Variants in NBEA observed in about 807,000 individuals in gnomAD.
NBEA encodes the protein neurobeachin, also known as lysosomal-trafficking regulator 2.
Under a neutral mutation model 343.4 loss-of-function variants are expected in NBEA, and 44 were observed. That is an observed-to-expected ratio of 0.13 (90% CI 0.10 to 0.16). The LOEUF is 0.16. Among genes scored for constraint, NBEA ranks in the 10% least tolerant of loss-of-function variants. NBEA has a pLI of 1.00. For missense variants in NBEA, 2,555 were observed against 3,631.3 expected, an observed-to-expected ratio of 0.70 and a Z score of 7.62; for synonymous variants, 1,175 against 1,238.7, an observed-to-expected ratio of 0.95 and a Z score of 1.08.
At position 35,070,802 on chromosome 13, in the gene NBEA, C is replaced by A; in HGVS notation, c.1521C>A (p.Ala507=). The A allele has an allele frequency of 6.2e-7, 1 of 1,609,916 alleles. No individual in the cohort carries two copies. The highest frequency in any genetic ancestry group is 1.7e-5 in the Admixed American group (1 of 59,850). The change falls in exon 10 of 59, where the codon GCC becomes GCA. Residue 507 remains alanine, a synonymous_variant. Transcript: ENST00000379939. ...GGIQVLFPLF[A]QLDNRQLNDS... ...TTCAAGTGCTTTTTCCACTTTTTGC[C>A]CAATTGGATAATAGGCAGCTCAATG...
At chr13:35,511,192 A>G (rs536820584) in intron 41 of NBEA, among the ~76,000 whole-genome samples, 1 of 152,290 alleles carries the variant, frequency 6.6e-6, no homozygotes, top group East Asian at 1.9e-4. Flanking sequence ...TAGTTTTGAG[A>G]TATATTTATT....
At chr13:35,499,471 T>A (rs1051574895) in intron 41 of NBEA, among the ~76,000 whole-genome samples, 5 of 152,076 alleles carry the variant, frequency 3.3e-5, no homozygotes, top group Non-Finnish European at 5.9e-5. Context: ...TCAGCTGCTC[T>A]GTTCTCATGT....
rs115625477 is a variant in NBEA at position 35,573,194 on chromosome 13, G to C, written c.7035+6177G>C. 7.5e-3 allele frequency among the ~76,000 whole-genome samples: 1,138 copies of C among 152,120 alleles called. 16 individuals are homozygous for C. Among genetic ancestry groups the C allele is most frequent in the African/African-American group, 0.026 (1,083 of 41,496 alleles). ...GACAAGGTATTGACTGGCAGTGTTT[G>C]GATACTGTTTTAAACTCATGAGATA... is the stretch of plus-strand genomic sequence containing the variant. On this transcript the variant is annotated intron_variant, in intron 45 of 58. Coordinates refer to ENST00000379939, the MANE Select transcript of NBEA (RefSeq NM_001385012.1).
chr13:35,451,615 A>G (rs1435351994), intron 39 of NBEA, among the ~76,000 whole-genome samples: 1 of 152,206 alleles, frequency 6.6e-6, no homozygotes, highest in African/African-American at 2.4e-5. Context: ...TTTGCTGCAT[A>G]CTTATCCACT....
chr13:35,395,445 C>T (rs1246439167), intron 38 of NBEA, among the ~76,000 whole-genome samples: 1 of 152,004 alleles, frequency 6.6e-6, no homozygotes, highest in African/African-American at 2.4e-5. Context: ...TTTTAAGTTT[C>T]CTGAGGCCTC....
intron 40 of NBEA, among the ~76,000 whole-genome samples, chr13:35,457,370 G>A (rs568423031): frequency 8.5e-5 from 13 of 152,134 alleles, no homozygotes; most frequent in South Asian, 6.2e-4. Flanking sequence ...AACTGTTACC[G>A]AAATCAATTT....
chr13:35,066,128 T>C (rs1191983878), intron 8 of NBEA, among the ~76,000 whole-genome samples: 1 of 152,058 alleles, frequency 6.6e-6, no homozygotes, highest in African/African-American at 2.4e-5. Flanking sequence ...GCCTGACTAA[T>C]TTTTCAGTTT....
chr13:35,215,536 G>A (rs1024938797), intron 33 of NBEA, among the ~76,000 whole-genome samples: 8 of 151,560 alleles, frequency 5.3e-5, no homozygotes, highest in Non-Finnish European at 1.0e-4. Flanking sequence ...TAGCAAATCA[G>A]TGATTGCCTG....
chr13:35,528,354 T>C (rs1388384268), intron 41 of NBEA, among the ~76,000 whole-genome samples: 3 of 152,242 alleles, frequency 2.0e-5, no homozygotes, highest in Non-Finnish European at 4.4e-5. Context: ...GCATTTACAC[T>C]GTAAGAAAGA....
Position 35,299,862 on chromosome 13 carries a change from G to A in NBEA, c.5838+9412G>A, listed in dbSNP as rs561185674. Among the ~76,000 whole-genome samples the A allele has an allele frequency of 3.9e-5, 6 of 152,256 alleles. No individual in the cohort carries two copies. The East Asian group carries it at 1.2e-3, about 29-fold the overall frequency. The stretch of plus-strand genomic sequence containing the variant: ...GTAAATTATTCTTATCCCTTTGCAT[G>A]TGTTTTCATGTATCTGTGTGCCTTG... On this transcript the variant is annotated intron_variant, in intron 35 of 58. Coordinates refer to ENST00000379939, the MANE Select transcript of NBEA (RefSeq NM_001385012.1).
intron 34 of NBEA, among the ~76,000 whole-genome samples, chr13:35,252,686 G>T (rs910455122): frequency 2.6e-5 from 4 of 152,152 alleles, no homozygotes; most frequent in African/African-American, 9.7e-5. Flanking sequence ...CTGCACAGAT[G>T]CAGCTGAAGA....
intron 1 of NBEA, among the ~76,000 whole-genome samples, chr13:34,958,154 T>G (rs557814677): frequency 3.9e-5 from 6 of 152,126 alleles, no homozygotes; most frequent in Non-Finnish European, 8.8e-5. Context: ...CTGTTTATAT[T>G]TCTTTTAATG....
chr13:35,430,157 G>A (rs1320185787), intron 38 of NBEA, among the ~76,000 whole-genome samples: 1 of 151,814 alleles, frequency 6.6e-6, no homozygotes, highest in Non-Finnish European at 1.5e-5. Flanking sequence ...GTTCATTCTT[G>A]GAGGAGCGTG....
chr13:35,033,082 A>C (rs2062299247), intron 1 of NBEA, among the ~76,000 whole-genome samples: 1 of 151,516 alleles, frequency 6.6e-6, no homozygotes, highest in Non-Finnish European at 1.5e-5. Context: ...TTTTGCTCAG[A>C]CCAGTGCCCT....
intron 36 of NBEA, among the ~76,000 whole-genome samples, chr13:35,333,936 A>G (rs1218444216): frequency 6.6e-6 from 1 of 152,056 alleles, no homozygotes; most frequent in Non-Finnish European, 1.5e-5. Flanking sequence ...TTCTTTATCA[A>G]TTCATCTGTT....
intron 25 of NBEA, among the ~76,000 whole-genome samples, chr13:35,169,972 C>G (rs1234656090): frequency 6.6e-6 from 1 of 151,732 alleles, no homozygotes; most frequent in African/African-American, 2.4e-5. Context: ...TGTCTCTTTC[C>G]AGGCTCATTT....
intron 38 of NBEA, among the ~76,000 whole-genome samples, chr13:35,359,704 A>G (rs1177320487): frequency 1.3e-5 from 2 of 152,044 alleles, no homozygotes; most frequent in Non-Finnish European, 1.5e-5. Flanking sequence ...CTCAATGTAT[A>G]TAGTTTTTCT....
chr13:34,998,145 C>G (rs1448606803), intron 1 of NBEA, among the ~76,000 whole-genome samples: 1 of 151,996 alleles, frequency 6.6e-6, no homozygotes, highest in Non-Finnish European at 1.5e-5. Context: ...CACATGTTGG[C>G]AGGTTCCATG....
chr13:35,641,464 T>G (rs936897646), intron 49 of NBEA, among the ~76,000 whole-genome samples: 9 of 152,010 alleles, frequency 5.9e-5, no homozygotes, highest in African/African-American at 2.2e-4. Context: ...TTGTGTTAGG[T>G]TAATACAGGG....
Sources: gnomAD v4.1 joint callset for allele counts (sites outside exome capture counted in the v4.1 genomes callset) on GRCh38, gnomAD v4.1.1 for gene constraint, MANE v1.5 for transcripts, NCBI Gene and HGNC (gene_info 2026-07-23, HGNC 2026-07-21) for gene names.